RNF220: variants seen among roughly 807,000 people sequenced by gnomAD.
The protein encoded by RNF220 is ring finger protein 220.
Under a neutral mutation model 67.1 loss-of-function variants are expected in RNF220, and 7 were observed. The ratio of observed to expected loss-of-function variants is 0.10; its 90% confidence interval spans 0.06 to 0.20. The LOEUF is 0.20. Among genes scored for constraint, RNF220 ranks in the 10% least tolerant of loss-of-function variants. The probability of loss-of-function intolerance (pLI) is 1.00; values close to 1 mark genes in which losing one functional copy is unlikely to be tolerated. For synonymous variants in RNF220, 270 were observed against 283.2 expected (o/e 0.95, Z 0.47); for missense variants, 565 against 740.3 (o/e 0.76, Z 2.75).
At chr1:44,564,460 GA>G (rs1663825489) in intron 2 of RNF220, among the ~76,000 whole-genome samples, 1 of 152,060 alleles carries the variant, frequency 6.6e-6, no homozygotes, top group African/African-American at 2.4e-5. Flanking sequence ...CCAAGGTGAA[GA>G]ACCACTATTC....
chr1:44,613,983 G>T (rs1643430263), intron 2 of RNF220, among the ~76,000 whole-genome samples, 182 bp from the exon 3 acceptor site: 1 of 152,160 alleles, frequency 6.6e-6, no homozygotes, highest in Admixed American at 6.6e-5. Flanking sequence ...ACCATTCATG[G>T]CCACAGCCTC....
chr1:44,641,638 T>C (rs1304857588), intron 8 of RNF220, among the ~76,000 whole-genome samples: 3 of 152,228 alleles, frequency 2.0e-5, no homozygotes, highest in African/African-American at 7.2e-5. Flanking sequence ...TTTCTTTTTA[T>C]TATGATTCTG....
rs373598505 is a variant in RNF220 at position 44,626,404 on chromosome 1, G to A, written c.906+6G>A. 3 of 1,610,566 alleles carry A rather than the reference G, an allele frequency of 1.9e-6. No individual in the cohort carries two copies. Among genetic ancestry groups the A allele is most frequent in the Non-Finnish European group, 2.5e-6 (3 of 1,176,880 alleles). Reference sequence around the variant, plus strand: ...ACCATTCAGACAGATACCAGGTGAGGAGGGGTGGTGAGTGGCCATGAGAAG... The same window carrying A: ...ACCATTCAGACAGATACCAGGTGAGAAGGGGTGGTGAGTGGCCATGAGAAG... On this transcript the variant is annotated splice_donor_region_variant and intron_variant, in intron 5 of 14. Transcript: ENST00000361799.
At chr1:44,513,372 T>A (rs1238937353) in intron 2 of RNF220, among the ~76,000 whole-genome samples, 2 of 152,204 alleles carry the variant, frequency 1.3e-5, no homozygotes, top group Non-Finnish European at 2.9e-5. Flanking sequence ...GGCAATCTCA[T>A]GGTTAAACAC....
intron 2 of RNF220, among the ~76,000 whole-genome samples, chr1:44,445,871 A>G (rs1652028719): frequency 1.3e-5 from 2 of 152,240 alleles, no homozygotes; most frequent in South Asian, 2.1e-4. Context: ...AGGTAGAGGA[A>G]TTGCTTCATC....
intron 2 of RNF220, among the ~76,000 whole-genome samples, chr1:44,520,282 G>A (rs941338586): frequency 6.6e-6 from 1 of 151,978 alleles, no homozygotes; most frequent in African/African-American, 2.4e-5. Flanking sequence ...CTAACACAGT[G>A]AAACCCCGTC....
chr1:44,619,642 C>A (rs1032992282), intron 3 of RNF220, among the ~76,000 whole-genome samples: 2 of 152,174 alleles, frequency 1.3e-5, no homozygotes, highest in East Asian at 3.9e-4. Context: ...TAATTTAAAA[C>A]CCATGGATCA....
chr1:44,622,702 G>C lies in RNF220; in HGVS notation c.759-40G>C. On this transcript the variant is annotated intron_variant, in intron 3 of 14. Coordinates refer to ENST00000361799, the MANE Select transcript of RNF220 (RefSeq NM_018150.4). This position sits in a 1 kb window ranked among gnomAD's most constrained non-coding sequence, Gnocchi z 4.3. ...ACTCTACCGTTGCATGCCCTGGGCA[G>C]CAGGTAGAATGGTTACCCTGTTCTC... 6 of 1,587,478 alleles carry C rather than the reference G, an allele frequency of 3.8e-6. No homozygotes were observed. Among genetic ancestry groups the C allele is most frequent in the Non-Finnish European group, 5.2e-6 (6 of 1,155,952 alleles).
chr1:44,410,172 A>G (rs993901007), intron 1 of RNF220, among the ~76,000 whole-genome samples: 12 of 152,226 alleles, frequency 7.9e-5, no homozygotes, highest in Admixed American at 4.6e-4. Flanking sequence ...AGGGGGAAAC[A>G]TTCCTCCCTT....
intron 2 of RNF220, among the ~76,000 whole-genome samples, chr1:44,483,251 A>G (rs1655998916): frequency 1.3e-5 from 2 of 152,006 alleles, no homozygotes; most frequent in Admixed American, 1.3e-4. Context: ...ATTAATACAC[A>G]CCTTTTAAAA....
chr1:44,557,930 C>T (rs868761378), intron 2 of RNF220, among the ~76,000 whole-genome samples: 1 of 152,200 alleles, frequency 6.6e-6, no homozygotes, highest in Non-Finnish European at 1.5e-5. Flanking sequence ...GCATGCCCTG[C>T]GTCTTCTCCA....
intron 2 of RNF220, among the ~76,000 whole-genome samples, chr1:44,466,909 T>C (rs1654321089): frequency 6.6e-6 from 1 of 152,232 alleles, no homozygotes; most frequent in African/African-American, 2.4e-5. Context: ...GCTTAAACTT[T>C]AAGTCACCAA....
Position 44,412,346 on chromosome 1 carries a change from T to C in RNF220, c.249T>C (p.Phe83=). Reference sequence around the variant, plus strand: ...GGCAAGGTGGGGTGCCAGGCACTTTTGCCAATCGTGATTTCCCCCCTTCTC... The same window carrying C: ...GGCAAGGTGGGGTGCCAGGCACTTTCGCCAATCGTGATTTCCCCCCTTCTC... ...YHRQGGVPGT[F]ANRDFPPSLL... Residue 83 remains phenylalanine (F), a synonymous_variant, in exon 2 of 15, where the codon TTT becomes TTC. Transcript: ENST00000361799. The surrounding 1 kb of genome is among the most constrained non-coding windows in gnomAD (Gnocchi z 5.3). 1.9e-6 allele frequency: 3 copies of C among 1,614,200 alleles called. No individual in the cohort carries two copies. Among genetic ancestry groups the C allele is most frequent in the Non-Finnish European group, 2.5e-6 (3 of 1,180,032 alleles).
In RNF220 at chr1:44,447,142, A is replaced by G. The variant is rs140287335; in HGVS notation, c.625+34420A>G. Among the ~76,000 whole-genome samples, 394 of 152,338 alleles carry G rather than the reference A, an allele frequency of 2.6e-3. 3 individuals are homozygous for G. The highest frequency in any genetic ancestry group is 9.2e-3 in the African/African-American group (381 of 41,584). On this transcript the variant is annotated intron_variant, in intron 2 of 14. Transcript: ENST00000361799. Reference sequence around the variant, plus strand: ...TAATTATTAGTGTTAAGAAATTACTATATTCCTGACAATTGACATCTTGTT... The same window carrying G: ...TAATTATTAGTGTTAAGAAATTACTGTATTCCTGACAATTGACATCTTGTT...
chr1:44,603,874 G>A (rs558674013), intron 2 of RNF220, among the ~76,000 whole-genome samples: 2 of 152,392 alleles, frequency 1.3e-5, no homozygotes, highest in East Asian at 3.9e-4. Flanking sequence ...GCAGGCACTT[G>A]TAATCAGTGC....
intron 4 of RNF220, among the ~76,000 whole-genome samples, chr1:44,623,985 G>A (rs1035024493): frequency 6.6e-6 from 1 of 152,212 alleles, no homozygotes; most frequent in Non-Finnish European, 1.5e-5. Flanking sequence ...CTTCCATGGG[G>A]TAGACCCAAA....
intron 2 of RNF220, among the ~76,000 whole-genome samples, chr1:44,476,329 G>A (rs12076086): frequency 0.072 from 10,992 of 152,084 alleles, 1,345 homozygotes; most frequent in African/African-American, 0.25. Flanking sequence ...TAACTTTCAC[G>A]TAACTCATAT....
intron 2 of RNF220, among the ~76,000 whole-genome samples, chr1:44,420,999 C>T (rs979818732): frequency 6.6e-6 from 1 of 152,180 alleles, no homozygotes; most frequent in Non-Finnish European, 1.5e-5. Flanking sequence ...TGCCTTATGG[C>T]AATGTGGAAA....
In RNF220 at chr1:44,565,492, A is replaced by G. The variant is rs1429315864; in HGVS notation, c.626-48673A>G. 1.3e-5 allele frequency among the ~76,000 whole-genome samples: 2 copies of G among 152,122 alleles called. No homozygotes were observed. The highest frequency in any genetic ancestry group is 2.9e-5 in the Non-Finnish European group (2 of 68,008). On this transcript the variant is annotated intron_variant, in intron 2 of 14. Transcript: ENST00000361799. The surrounding 1 kb of genome is among the most constrained non-coding windows in gnomAD (Gnocchi z 4.2). ...TGCCCCTAGGAAGTGCAGGCTGGGGACAGCAGGCAGGAAGCAGTGGGCCCA... is the reference window on the plus strand; with the variant it reads ...TGCCCCTAGGAAGTGCAGGCTGGGGGCAGCAGGCAGGAAGCAGTGGGCCCA...
Sources: allele counts gnomAD v4.1 joint callset (sites outside exome capture counted in the v4.1 genomes callset), GRCh38; gene constraint gnomAD v4.1.1; non-coding constraint Gnocchi (gnomAD v3.1); transcripts MANE v1.5; gene names NCBI Gene and HGNC (gene_info 2026-07-23, HGNC 2026-07-21).